RAB7B: variants seen among roughly 807,000 people sequenced by gnomAD.
The protein encoded by RAB7B is RAB7B, member RAS oncogene family.
chr1:205,991,979 T>C (rs925506953), intron 4 of RAB7B, among the ~76,000 whole-genome samples: 11 of 152,142 alleles, frequency 7.2e-5, no homozygotes, highest in Non-Finnish European at 1.5e-4. Flanking sequence ...AATTATTACT[T>C]CCCCAGAAAA....
chr1:205,987,960 G>A (rs1405733994), intron 4 of RAB7B, among the ~76,000 whole-genome samples: 2 of 151,936 alleles, frequency 1.3e-5, no homozygotes, highest in African/African-American at 2.4e-5. Context: ...GCCCAGGTTG[G>A]TCTTGAACTC....
chr1:205,987,532 T>C (rs890530797), intron 4 of RAB7B, among the ~76,000 whole-genome samples: 1 of 152,342 alleles, frequency 6.6e-6, no homozygotes, highest in African/African-American at 2.4e-5. Context: ...ATTATACAAG[T>C]GCTAAAATTA....
chr1:205,995,099 G>A (rs1660788540), intron 1 of RAB7B, among the ~76,000 whole-genome samples: 1 of 152,098 alleles, frequency 6.6e-6, no homozygotes, highest in South Asian at 2.1e-4. Context: ...TCACACACCG[G>A]GGCCTGTCAC....
Position 205,993,480 on chromosome 1 carries a change from T to C in RAB7B, c.120A>G (p.Thr40=), listed in dbSNP as rs1456334942. Residue 40 remains threonine (T), a synonymous_variant, in exon 3 of 6, where the codon ACA becomes ACG. Transcript: ENST00000617070. The part of the protein sequence containing the change: ...HKTFYEEYQT[T]LGASILSKII... ...TCTTGGAGAGGATGCTGGCCCCCAG[T>C]GTGGTCTGGTATTCCTCATAAAACG... 1.5e-5 allele frequency: 6 copies of C among 398,598 alleles called. No homozygotes were observed. The East Asian group carries it at 1.8e-4, about 12-fold the overall frequency. 24.7% of individuals were successfully genotyped at this position (398,598 alleles called of 1,614,324 possible). A position where few individuals can be genotyped will look rare whatever the true frequency, so the allele number is the denominator to read the frequency against.
intron 1 of RAB7B, among the ~76,000 whole-genome samples, chr1:205,999,029 A>G (rs1431525373): frequency 1.3e-5 from 2 of 152,166 alleles, no homozygotes; most frequent in Non-Finnish European, 2.9e-5. Context: ...CTGGGATTGG[A>G]GTCCAGGCCT....
In RAB7B at chr1:205,983,237, G is replaced by T. The variant is rs1281940827; in HGVS notation, c.522+2303C>A. Among the ~76,000 whole-genome samples the T allele has an allele frequency of 3.3e-5, 5 of 152,280 alleles. 1 individual carries two copies. Among genetic ancestry groups the T allele is most frequent in the African/African-American group, 1.2e-4 (5 of 41,554 alleles). ...AGTAGGTGTCTCCTATAAGCCCCAG[G>T]AACTCATGCCTGGGTCTCTGGCCTT... On this transcript the variant is annotated intron_variant, in intron 5 of 5. Transcript: ENST00000617070.
At position 205,991,343 on chromosome 1, in the gene RAB7B, G is replaced by GGCT. The variant is rs1326386829; in HGVS notation, c.396+1134_396+1136dup. Among the ~76,000 whole-genome samples the GGCT allele has an allele frequency of 3.6e-4, 55 of 152,312 alleles. No individual in the cohort carries two copies. The Middle Eastern group carries it at 0.01, about 28-fold the overall frequency. On this transcript the variant is annotated intron_variant, in intron 4 of 5. Transcript: ENST00000617070. ...ACTTAGGACTTTGCTTATTATCTGAGGCTGGATATTTGTAATTAGAGAATT... is the reference window on the plus strand; with the variant it reads ...ACTTAGGACTTTGCTTATTATCTGAGGCTGCTGGATATTTGTAATTAGAGAATT...
At chr1:205,998,070 G>A (rs1660832105) in intron 1 of RAB7B, among the ~76,000 whole-genome samples, 2 of 152,186 alleles carry the variant, frequency 1.3e-5, no homozygotes, top group African/African-American at 4.8e-5. Flanking sequence ...AGGCTGAGAA[G>A]GCAGGCTGGG....
rs1250973295 is a variant in RAB7B at position 205,977,669 on chromosome 1, C to G, written c.*1182G>C. 6.6e-6 allele frequency: 1 copy of G among 152,194 alleles called. No homozygotes were observed. The highest frequency in any genetic ancestry group is 2.4e-5 in the African/African-American group (1 of 41,420). The allele number at this position is 152,194 out of a possible 1,614,324, so 9.4% of individuals were successfully genotyped here. A position where few individuals can be genotyped will look rare whatever the true frequency, so the allele number is the denominator to read the frequency against. The stretch of plus-strand genomic sequence containing the variant: ...GGGACAGCAGCTTTGAGTATTAGGT[C>G]AATGGATGTCCTTTCACTGTTCCTG... On this transcript the variant is annotated 3_prime_UTR_variant, in exon 6 of 6. Transcript: ENST00000617070.
chr1:206,002,521 C>T (rs1422647063), intron 1 of RAB7B, among the ~76,000 whole-genome samples: 2 of 152,352 alleles, frequency 1.3e-5, no homozygotes, highest in African/African-American at 4.8e-5. Context: ...AGCCCCAGCA[C>T]TGTGTAGGTC....
At chr1:205,999,530 A>G (rs1660857880) in intron 1 of RAB7B, among the ~76,000 whole-genome samples, 1 of 152,210 alleles carries the variant, frequency 6.6e-6, no homozygotes, top group Non-Finnish European at 1.5e-5. Flanking sequence ...ATAGAGTATG[A>G]ATTAGCACAG....
At chr1:205,994,060 T>C (rs1254966533) in intron 2 of RAB7B, 23 bp downstream of exon 2, 2 of 398,460 alleles carry the variant, frequency 5.0e-6, no homozygotes, top group East Asian at 3.6e-5. Context: ...GCTTCCCAAC[T>C]CCCAGAGCTG....
At chr1:206,001,613 G>GC (rs1660892309) in intron 1 of RAB7B, among the ~76,000 whole-genome samples, 92 of 152,276 alleles carry the variant, frequency 6.0e-4, no homozygotes, top group Non-Finnish European at 1.0e-3. Context: ...GTGAAAAGCA[G>GC]GATTGAAATG....
chr1:206,002,241 C>A (rs2102257846), intron 1 of RAB7B, among the ~76,000 whole-genome samples: 1 of 152,308 alleles, frequency 6.6e-6, no homozygotes, highest in African/African-American at 2.4e-5. Context: ...CACCTCAACC[C>A]TAGCAGGTCT....
intron 5 of RAB7B, among the ~76,000 whole-genome samples, chr1:205,981,535 G>A (rs1301912836): frequency 6.7e-6 from 1 of 148,822 alleles, no homozygotes; most frequent in East Asian, 2.0e-4. Flanking sequence ...ACCTACTCTG[G>A]TTTCTTTCAC....
chr1:205,997,112 C>T (rs1246177815), intron 1 of RAB7B, among the ~76,000 whole-genome samples: 1 of 152,230 alleles, frequency 6.6e-6, no homozygotes, highest in Admixed American at 6.5e-5. Flanking sequence ...AACTTCTGCT[C>T]TAACCCAGGA....
chr1:206,000,290 C>T (rs1159209797), intron 1 of RAB7B, among the ~76,000 whole-genome samples: 1 of 152,206 alleles, frequency 6.6e-6, no homozygotes, highest in African/African-American at 2.4e-5. Context: ...ATTTGTTACA[C>T]AAGCCTAAGT....
intron 4 of RAB7B, among the ~76,000 whole-genome samples, chr1:205,990,587 T>C (rs939304441): frequency 2.6e-5 from 4 of 152,040 alleles, no homozygotes; most frequent in Admixed American, 2.0e-4. Flanking sequence ...ACTTAAAGAC[T>C]GCTTGGAGGA....
chr1:205,998,999 T>C (rs1169035044), intron 1 of RAB7B, among the ~76,000 whole-genome samples: 8 of 152,182 alleles, frequency 5.3e-5, no homozygotes, highest in Admixed American at 5.2e-4. Context: ...AGCCCGCACG[T>C]GTTAGAGCAG....
Sources: allele counts gnomAD v4.1 joint callset (sites outside exome capture counted in the v4.1 genomes callset), GRCh38; gene constraint gnomAD v4.1.1; transcripts MANE v1.5; gene names NCBI Gene and HGNC (gene_info 2026-07-23, HGNC 2026-07-21).